Variants in EPB41L3 observed in about 807,000 individuals in gnomAD.
EPB41L3 encodes erythrocyte membrane protein band 4.1 like 3.
In EPB41L3, 57 loss-of-function variants were observed where a neutral mutation model predicts 127.1. The ratio of observed to expected loss-of-function variants is 0.45; its 90% CI spans 0.36 to 0.56. EPB41L3 has a LOEUF of 0.56. Ranked by LOEUF, EPB41L3 falls within the 20% of genes least tolerant of loss-of-function variation. EPB41L3 has a pLI of 0.00. For synonymous variants in EPB41L3, 572 were observed against 549.5 expected (o/e 1.04, Z -0.57); for missense variants, 1,273 against 1,372.2 (o/e 0.93, Z 1.14).
At chr18:5,599,620 T>C (rs2094569998) in intron 3 of EPB41L3, among the ~76,000 whole-genome samples, 1 of 152,142 alleles carries the variant, frequency 6.6e-6, no homozygotes, top group Non-Finnish European at 1.5e-5. Flanking sequence ...AAGTGCTGGT[T>C]GTTTGAAAGT....
chr18:5,557,821 C>T (rs939163693), intron 3 of EPB41L3, among the ~76,000 whole-genome samples: 1 of 152,170 alleles, frequency 6.6e-6, no homozygotes, highest in Non-Finnish European at 1.5e-5. Context: ...AATGATTTTG[C>T]ACTGGGCTAA....
At chr18:5,624,956 G>C (rs548151248) in intron 1 of EPB41L3, among the ~76,000 whole-genome samples, 1 of 152,126 alleles carries the variant, frequency 6.6e-6, no homozygotes, top group East Asian at 1.9e-4. Flanking sequence ...TGAAGAAAGG[G>C]GAGGAAGGGC....
chr18:5,538,583 G>C (rs1428525267), intron 1 of EPB41L3, among the ~76,000 whole-genome samples: 4 of 152,208 alleles, frequency 2.6e-5, no homozygotes, highest in Admixed American at 6.5e-5. Context: ...AAAGAAGAGA[G>C]AGCTAAAACA....
chr18:5,447,953 T>C (rs569419809), intron 3 of EPB41L3, among the ~76,000 whole-genome samples: 1 of 152,270 alleles, frequency 6.6e-6, no homozygotes, highest in South Asian at 2.1e-4. Flanking sequence ...TCCTTAGAGC[T>C]AAGACCAGTT....
chr18:5,397,296 C>T lies in EPB41L3; in HGVS notation c.2603G>A (p.Gly868Glu). 6.2e-7 allele frequency: 1 copy of T among 1,614,038 alleles called. No individual in the cohort carries two copies. Among genetic ancestry groups the T allele is most frequent in the Admixed American group, 1.7e-5 (1 of 60,032 alleles). ...VEERRVVHAS[G>E]DASYSAGDSG... ...GTCTCCCGCCGAGTAAGAAGCATCC[C>T]CACTCGCGTGCACCACACGCCGCTC... The change falls in exon 18 of 23, where the codon GGG (glycine) becomes GAG (glutamate). Residue 868 changes from glycine (G) to glutamate (E), a missense_variant. By Grantham distance (98) the Gly-to-Glu change is moderately conservative. Around this residue, in one of 3 missense-constraint regions of EPB41L3, gnomAD observed 765 missense variants for 782.9 expected, o/e 0.98. Transcript: ENST00000341928. This position sits in a 1 kb window ranked among gnomAD's most constrained non-coding sequence, Gnocchi z 4.1.
chr18:5,468,317 C>T (rs1280981869), intron 3 of EPB41L3, among the ~76,000 whole-genome samples: 1 of 152,138 alleles, frequency 6.6e-6, no homozygotes, highest in African/African-American at 2.4e-5. Context: ...TGGTGAAGTC[C>T]CACCCTCCAG....
rs60379989 is a variant in EPB41L3, at chr18:5,399,023, G to A, written c.2350-880C>T. The A allele has an allele frequency of 3.9e-3, 1,561 of 399,158 alleles. 17 individuals carry two copies. The highest frequency in any genetic ancestry group is 0.029 in the African/African-American group (1,414 of 48,724). 24.7% of individuals were successfully genotyped at this position (399,158 alleles called of 1,614,324 possible). ...CCAGGACCTCATATTCTGCCAGGCC[G>A]GGAATGATCTTCATGGACTCTGGTA... is the stretch of plus-strand genomic sequence containing the variant. On this transcript the variant is annotated intron_variant, in intron 16 of 22. Transcript: ENST00000341928.
At chr18:5,567,576 A>C (rs559895797) in intron 3 of EPB41L3, among the ~76,000 whole-genome samples, 1 of 152,116 alleles carries the variant, frequency 6.6e-6, no homozygotes, top group Non-Finnish European at 1.5e-5. Flanking sequence ...AGTGAGAAAG[A>C]GAAAGAGAAA....
rs540133269 is a variant in EPB41L3, at chr18:5,470,330, G to T, written c.381+7911C>A. On this transcript the variant is annotated intron_variant, in intron 3 of 22. Coordinates refer to ENST00000341928, the MANE Select transcript of EPB41L3 (RefSeq NM_012307.5). Reference sequence around the variant, plus strand: ...TGGCTCATTTGGTCTTCAGTGCCTGGAATGTAACAAGCGCCCAAGCAAAAC... The same window carrying T: ...TGGCTCATTTGGTCTTCAGTGCCTGTAATGTAACAAGCGCCCAAGCAAAAC... Among the ~76,000 whole-genome samples the T allele has an allele frequency of 3.9e-5, 6 of 152,300 alleles. No homozygotes were observed. The South Asian group carries it at 1.0e-3, about 26-fold the overall frequency.
At chr18:5,567,663 AG>A (rs1461015286) in intron 3 of EPB41L3, among the ~76,000 whole-genome samples, 3 of 152,172 alleles carry the variant, frequency 2.0e-5, no homozygotes, top group Non-Finnish European at 4.4e-5. Flanking sequence ...GAAGGAAGGA[AG>A]GGAGGGGTTG....
intron 3 of EPB41L3, among the ~76,000 whole-genome samples, chr18:5,451,888 G>C (rs1482666243): frequency 6.6e-6 from 1 of 152,086 alleles, no homozygotes; most frequent in South Asian, 2.1e-4. Flanking sequence ...GCCCCGGCTG[G>C]AGTCCAGTGG....
At chr18:5,590,835 C>A (rs2094478939) in intron 3 of EPB41L3, among the ~76,000 whole-genome samples, 1 of 152,002 alleles carries the variant, frequency 6.6e-6, no homozygotes, top group Admixed American at 6.6e-5. Context: ...CAAGTAATTC[C>A]ATTTGTTTGA....
At chr18:5,427,598 T>C (rs2078372781) in intron 9 of EPB41L3, among the ~76,000 whole-genome samples, 1 of 152,212 alleles carries the variant, frequency 6.6e-6, no homozygotes, top group South Asian at 2.1e-4. Flanking sequence ...TCCTTGTACC[T>C]TGAAGTACAG....
At chr18:5,509,178 TGAGAA>T (rs1463458688) in intron 1 of EPB41L3, among the ~76,000 whole-genome samples, 1 of 152,224 alleles carries the variant, frequency 6.6e-6, no homozygotes, top group Non-Finnish European at 1.5e-5. Context: ...TCAGGATTTC[TGAGAA>T]GAGAAAATAA....
intron 18 of EPB41L3, among the ~76,000 whole-genome samples, chr18:5,396,538 A>G (rs1032245486): frequency 2.6e-5 from 4 of 152,212 alleles, no homozygotes; most frequent in African/African-American, 9.6e-5. Flanking sequence ...GCTCCAAGTA[A>G]AGCAAAACAT....
At chr18:5,448,691 A>G (rs577902761) in intron 3 of EPB41L3, among the ~76,000 whole-genome samples, 22 of 152,330 alleles carry the variant, frequency 1.4e-4, no homozygotes, top group African/African-American at 5.1e-4. Context: ...ACAATTATTT[A>G]TGAGTGGTTA....
intron 1 of EPB41L3, among the ~76,000 whole-genome samples, chr18:5,506,779 T>C (rs188103032): frequency 1.6e-4 from 25 of 152,242 alleles, no homozygotes; most frequent in African/African-American, 6.0e-4. Context: ...GGCCCTTAAA[T>C]CCTAAGTGTC....
chr18:5,540,196 T>C (rs1037568994), intron 1 of EPB41L3: 1 of 292,780 alleles, frequency 3.4e-6, no homozygotes, highest in Non-Finnish European at 5.1e-6. Flanking sequence ...AAATTACAGT[T>C]TTCTCTACAA....
chr18:5,507,807 T>C (rs1384938073), intron 1 of EPB41L3, among the ~76,000 whole-genome samples: 1 of 152,186 alleles, frequency 6.6e-6, no homozygotes, highest in Non-Finnish European at 1.5e-5. Context: ...TTATGAAATA[T>C]TACCTCCTCC....
Sources: gnomAD v4.1 joint callset for allele counts (sites outside exome capture counted in the v4.1 genomes callset) on GRCh38, gnomAD v4.1.1 for gene constraint, gnomAD v4.1.1 regional missense constraint, Gnocchi (gnomAD v3.1) non-coding constraint, MANE v1.5 for transcripts, NCBI Gene and HGNC (gene_info 2026-07-23, HGNC 2026-07-21) for gene names.